SGCD: variants seen among roughly 807,000 people sequenced by gnomAD.
The protein encoded by SGCD is delta-sarcoglycan.
In SGCD, 18 loss-of-function variants were observed where a neutral mutation model predicts 36.6. The ratio of observed to expected loss-of-function variants is 0.49; its 90% confidence interval spans 0.34 to 0.73. The LOEUF is 0.73. SGCD is among the 30% of genes least tolerant of loss of function. The pLI is 0.01. For missense variants in SGCD, 387 were observed against 346.7 expected, an observed-to-expected ratio of 1.12 and a Z score of -0.92; for synonymous variants, 133 against 130.6, an observed-to-expected ratio of 1.02 and a Z score of -0.12.
intron 1 of SGCD, among the ~76,000 whole-genome samples, chr5:156,040,752 T>C (rs1258634753): frequency 6.6e-6 from 1 of 152,152 alleles, no homozygotes; most frequent in Non-Finnish European, 1.5e-5. Flanking sequence ...TTAGATAACA[T>C]TTTTCATTAT....
chr5:155,846,033 A>G, the SGCD span, among the ~76,000 whole-genome samples: 5 of 152,204 alleles, frequency 3.3e-5, no homozygotes, highest in African/African-American at 1.2e-4. Flanking sequence ...TGGCAAAGCA[A>G]TGAGCTCTGC....
rs1026310095 is a variant in SGCD, at chr5:155,973,754, A to G, written c.-282+103330A>G. 3.7e-4 allele frequency among the ~76,000 whole-genome samples: 56 copies of G among 152,204 alleles called. 1 individual carries two copies. Among genetic ancestry groups the G allele is most frequent in the African/African-American group, 1.3e-3 (55 of 41,446 alleles). The stretch of plus-strand genomic sequence containing the variant: ...GTCCAGTTAATAATTAAATGAGAAG[A>G]GTTATTTAACTTTGCAAAGCCTCAG... On this transcript the variant is annotated intron_variant, in intron 1 of 9. Coordinates refer to the SGCD transcript ENST00000517913.
intron 6 of SGCD, among the ~76,000 whole-genome samples, chr5:156,610,741 G>A (rs960893056): frequency 6.6e-6 from 1 of 152,236 alleles, no homozygotes; most frequent in African/African-American, 2.4e-5. Flanking sequence ...CTCGGCAAAG[G>A]TGGGCGCCCC....
rs1054586002 is a variant in SGCD, at chr5:156,077,121, A to G, written c.-281-40757A>G. The stretch of plus-strand genomic sequence containing the variant: ...CTGGATCGTCACGTGACTGAAACCA[A>G]TTAATTACATTCAAATTAAGATGTG... On this transcript the variant is annotated intron_variant, in intron 1 of 9. Transcript: ENST00000517913. 2.0e-5 allele frequency among the ~76,000 whole-genome samples: 3 copies of G among 152,266 alleles called. No homozygotes were observed. The East Asian group carries it at 5.8e-4, about 29-fold the overall frequency.
At chr5:155,746,542 C>G in the SGCD span, among the ~76,000 whole-genome samples, 1 of 152,152 alleles carries the variant, frequency 6.6e-6, no homozygotes, top group Non-Finnish European at 1.5e-5. Context: ...CTTGAGAGTT[C>G]TGTGTTGTGG....
intron 1 of SGCD, among the ~76,000 whole-genome samples, chr5:155,910,186 C>G (rs966651689): frequency 6.6e-6 from 1 of 151,936 alleles, no homozygotes; most frequent in Non-Finnish European, 1.5e-5. Context: ...CAGCCCCCTC[C>G]CCAATGTCCT....
chr5:156,546,658 T>C (rs1758587196), intron 4 of SGCD, among the ~76,000 whole-genome samples: 1 of 152,172 alleles, frequency 6.6e-6, no homozygotes, highest in Non-Finnish European at 1.5e-5. Context: ...GAAAGCTTTA[T>C]GGAATAAATG....
chr5:156,716,140 T>G (rs1259952449), intron 7 of SGCD, among the ~76,000 whole-genome samples: 2 of 152,176 alleles, frequency 1.3e-5, no homozygotes, highest in African/African-American at 4.8e-5. Context: ...TACCCCACAG[T>G]GCTCCTAAAT....
chr5:156,140,583 G>A (rs1762556505), intron 3 of SGCD, among the ~76,000 whole-genome samples: 2 of 152,202 alleles, frequency 1.3e-5, no homozygotes, highest in Admixed American at 6.5e-5. Context: ...AGGAAATTTA[G>A]TGGAGAATAT....
chr5:155,758,509 A>G, the SGCD span, among the ~76,000 whole-genome samples: 1 of 152,208 alleles, frequency 6.6e-6, no homozygotes, highest in African/African-American at 2.4e-5. Flanking sequence ...ATGGACTGGT[A>G]CCGGTCCATG....
At chr5:155,731,063 G>C in the SGCD span, among the ~76,000 whole-genome samples, 5 of 152,136 alleles carry the variant, frequency 3.3e-5, no homozygotes, top group Non-Finnish European at 7.3e-5. Context: ...ATTACAGAAA[G>C]ACAGTCAGAC....
At chr5:156,100,061 T>C (rs1286985904) in intron 1 of SGCD, among the ~76,000 whole-genome samples, 4 of 152,136 alleles carry the variant, frequency 2.6e-5, no homozygotes, top group Non-Finnish European at 4.4e-5. Flanking sequence ...TAGACCCCTA[T>C]TGAGGCAGAA....
chr5:156,647,530 A>G lies in SGCD; in HGVS notation c.569A>G (p.Glu190Gly). Residue 190 changes from glutamate to glycine, a missense_variant, in exon 7 of 9, where the codon GAA (glutamate) becomes GGA (glycine). Glu to Gly is a moderately conservative substitution (Grantham distance 98, BLOSUM62 -2). Coordinates refer to ENST00000337851, the MANE Select transcript of SGCD (RefSeq NM_000337.6). ...TPNVRADPFK[E>G]LRLESPTRSL... ...AATGTCAGGGCAGACCCCTTCAAAG[A>G]ACTAAGGTAAACTTCTGACTTTGGT... is the stretch of plus-strand genomic sequence containing the variant. 6.4e-7 allele frequency: 1 copy of G among 1,569,646 alleles called. No individual in the cohort carries two copies. The highest frequency in any genetic ancestry group is 8.7e-7 in the Non-Finnish European group (1 of 1,154,252).
the SGCD span, among the ~76,000 whole-genome samples, chr5:155,847,985 A>G: frequency 6.6e-6 from 1 of 152,198 alleles, no homozygotes; most frequent in African/African-American, 2.4e-5. Flanking sequence ...TTCTTTGAAA[A>G]CAGAGATGAT....
the SGCD span, among the ~76,000 whole-genome samples, chr5:155,775,040 G>A: frequency 0.43 from 65,642 of 152,026 alleles, 14,828 homozygotes; most frequent in Non-Finnish European, 0.49. Flanking sequence ...ATGCAAACAA[G>A]GAATTCAGTG....
At chr5:156,552,388 A>T (rs1419768501) in intron 4 of SGCD, among the ~76,000 whole-genome samples, 1 of 152,210 alleles carries the variant, frequency 6.6e-6, no homozygotes, top group East Asian at 1.9e-4. Flanking sequence ...TGCCTGACCT[A>T]GGTACAACAG....
At chr5:155,733,819 A>C in the SGCD span, among the ~76,000 whole-genome samples, 2 of 152,088 alleles carry the variant, frequency 1.3e-5, no homozygotes, top group African/African-American at 4.8e-5. Context: ...GACTTCATCA[A>C]GTCTCCATTT....
chr5:156,740,233 T>C (rs1255625898), intron 7 of SGCD, among the ~76,000 whole-genome samples: 1 of 152,210 alleles, frequency 6.6e-6, no homozygotes, highest in African/African-American at 2.4e-5. Context: ...TCCCATTACA[T>C]TGATACAGAC....
At chr5:155,823,954 T>C in the SGCD span, among the ~76,000 whole-genome samples, 7 of 152,254 alleles carry the variant, frequency 4.6e-5, no homozygotes, top group African/African-American at 1.2e-4. Context: ...GAGAAACTCA[T>C]AGGGGGAAGG....
Sources: allele counts gnomAD v4.1 joint callset (sites outside exome capture counted in the v4.1 genomes callset), GRCh38; gene constraint gnomAD v4.1.1; transcripts MANE v1.5; gene names NCBI Gene and HGNC (gene_info 2026-07-23, HGNC 2026-07-21).